Variants in PIP4K2A observed in about 807,000 individuals in gnomAD.
PIP4K2A encodes the protein phosphatidylinositol-5-phosphate 4-kinase type 2 alpha, also known as phosphatidylinositol 5-phosphate 4-kinase type-2 alpha.
In PIP4K2A, 14 loss-of-function variants were observed where a neutral mutation model predicts 42.9. The ratio of observed to expected loss-of-function variants is 0.33; its 90% CI spans 0.22 to 0.51. The LOEUF is 0.51. Among genes scored for constraint, PIP4K2A ranks in the 20% least tolerant of loss-of-function variants. The pLI, the probability that PIP4K2A is intolerant of heterozygous loss-of-function variation, is 0.97. For synonymous variants in PIP4K2A, 192 were observed against 192.2 expected (o/e 1.00, Z 0.01); for missense variants, 434 against 519.8 (o/e 0.83, Z 1.61).
At chr10:22,617,492 C>T (rs1013591949) in intron 1 of PIP4K2A, among the ~76,000 whole-genome samples, 1 of 152,184 alleles carries the variant, frequency 6.6e-6, no homozygotes, top group African/African-American at 2.4e-5. Flanking sequence ...GATATATTCA[C>T]CCTAAACACT....
chr10:22,566,828 T>C (rs1252896666), intron 6 of PIP4K2A, among the ~76,000 whole-genome samples: 1 of 152,168 alleles, frequency 6.6e-6, no homozygotes, highest in Non-Finnish European at 1.5e-5. Flanking sequence ...GCTCTAGAGC[T>C]CCCTGAGTGT....
intron 1 of PIP4K2A, 46 bp from the exon 2 acceptor site, chr10:22,609,763 G>T: frequency 8.7e-7 from 1 of 1,153,854 alleles, no homozygotes; most frequent in Non-Finnish European, 1.3e-6. Flanking sequence ...CTATCCAGGT[G>T]AGGAGGACTT....
At chr10:22,597,818 C>T (rs182253132) in intron 3 of PIP4K2A, among the ~76,000 whole-genome samples, 5 of 152,198 alleles carry the variant, frequency 3.3e-5, no homozygotes, top group Non-Finnish European at 7.4e-5. Context: ...GCTGATCCTA[C>T]CTAAGGCCTT....
chr10:22,559,011 G>C (rs747481144), intron 6 of PIP4K2A, among the ~76,000 whole-genome samples: 4 of 152,090 alleles, frequency 2.6e-5, no homozygotes, highest in Non-Finnish European at 5.9e-5. Context: ...CACAAACTGG[G>C]ATATGACAGC....
chr10:22,556,727 C>T (rs1254173228), intron 6 of PIP4K2A, among the ~76,000 whole-genome samples: 1 of 152,130 alleles, frequency 6.6e-6, no homozygotes, highest in African/African-American at 2.4e-5. Flanking sequence ...GAACTCACTC[C>T]TAGGGAGCAG....
rs574260917 is a variant in PIP4K2A, at chr10:22,658,671, T to C, written c.145-48954A>G. 3.9e-4 allele frequency among the ~76,000 whole-genome samples: 59 copies of C among 152,340 alleles called. 1 individual carries two copies. Among genetic ancestry groups the C allele is most frequent in the Admixed American group, 9.8e-4 (15 of 15,306 alleles). ...CAATCCAGTGGGATCATATGGTTGC[T>C]GCGCAGCAAAAGATCCCATAAGAAT... On this transcript the variant is annotated intron_variant, in intron 1 of 9. Coordinates refer to ENST00000376573, the MANE Select transcript of PIP4K2A (RefSeq NM_005028.5).
intron 3 of PIP4K2A, among the ~76,000 whole-genome samples, chr10:22,595,839 G>A (rs1283960036): frequency 6.6e-6 from 1 of 152,182 alleles, no homozygotes; most frequent in Non-Finnish European, 1.5e-5. Flanking sequence ...GGTCTATGAA[G>A]TGATGGAAAA....
chr10:22,542,312 T>TGGCTGGATTTTGCCAGATAGCAA (rs6143823), intron 7 of PIP4K2A, among the ~76,000 whole-genome samples: 4 of 151,634 alleles, frequency 2.6e-5, no homozygotes, highest in African/African-American at 9.7e-5. Flanking sequence ...TATCACAGGG[T>TGGCTGGATTTTGCCAGATAGCAA]GGCTGGATTT....
intron 1 of PIP4K2A, among the ~76,000 whole-genome samples, chr10:22,705,726 G>A (rs1276892856): frequency 6.6e-6 from 1 of 151,966 alleles, no homozygotes; most frequent in African/African-American, 2.4e-5. Context: ...ATGTTACTGG[G>A]TTCTGCCACT....
chr10:22,558,011 A>G (rs1232944559), intron 6 of PIP4K2A, among the ~76,000 whole-genome samples: 1 of 152,200 alleles, frequency 6.6e-6, no homozygotes, highest in African/African-American at 2.4e-5. Flanking sequence ...AAGGACTTGT[A>G]TTTCGGAATG....
intron 7 of PIP4K2A, among the ~76,000 whole-genome samples, chr10:22,543,549 CT>C (rs1454572389): frequency 3.9e-5 from 6 of 152,348 alleles, no homozygotes; most frequent in South Asian, 4.1e-4. Context: ...CTCATCCCCC[CT>C]GGTCTTTCCC....
chr10:22,687,111 T>C (rs1351090828), intron 1 of PIP4K2A, among the ~76,000 whole-genome samples: 1 of 147,452 alleles, frequency 6.8e-6, no homozygotes, highest in Non-Finnish European at 1.5e-5. Context: ...ACTATACTAA[T>C]CTGCAATTCA....
At chr10:22,655,394 G>T (rs1839080501) in intron 1 of PIP4K2A, among the ~76,000 whole-genome samples, 1 of 152,186 alleles carries the variant, frequency 6.6e-6, no homozygotes, top group Non-Finnish European at 1.5e-5. Flanking sequence ...CTGCTGCCCT[G>T]CCTTCCAGAA....
rs71394001 is a variant in PIP4K2A, at chr10:22,561,565, G to GTTTTTTTT, written c.678+6278_678+6285dup. The stretch of plus-strand genomic sequence containing the variant: ...TATGTCACCAGAGATTCTCTACGCA[G>GTTTTTTTT]TTTTTTTTTTTTTTTTTTTTTTTTT... On this transcript the variant is annotated intron_variant, in intron 6 of 9. Transcript: ENST00000376573. Among the ~76,000 whole-genome samples, 20 of 113,500 alleles carry GTTTTTTTT rather than the reference G, an allele frequency of 1.8e-4. 9 individuals carry two copies. The highest frequency in any genetic ancestry group is 2.0e-4 in the Admixed American group (2 of 10,078). The allele number at this position is 113,500 out of a possible 152,430, so 74.5% of individuals were successfully genotyped here.
intron 1 of PIP4K2A, among the ~76,000 whole-genome samples, chr10:22,708,953 T>A (rs1308861358): frequency 6.6e-6 from 1 of 152,118 alleles, no homozygotes; most frequent in African/African-American, 2.4e-5. Flanking sequence ...CATCTATGTT[T>A]TTACATTTTT....
chr10:22,625,912 C>T (rs1190300989), intron 1 of PIP4K2A, among the ~76,000 whole-genome samples: 1 of 152,140 alleles, frequency 6.6e-6, no homozygotes, highest in Non-Finnish European at 1.5e-5. Flanking sequence ...AATGGCCTTT[C>T]TTATCTCTTG....
intron 3 of PIP4K2A, among the ~76,000 whole-genome samples, chr10:22,596,305 T>A (rs1837634824): frequency 6.6e-6 from 1 of 151,016 alleles, no homozygotes; most frequent in African/African-American, 2.4e-5. Flanking sequence ...AGGACAACCG[T>A]CCCAAGAAAC....
At chr10:22,538,476 C>A (rs1257196570) in intron 9 of PIP4K2A, among the ~76,000 whole-genome samples, 1 of 152,166 alleles carries the variant, frequency 6.6e-6, no homozygotes, top group African/African-American at 2.4e-5. Flanking sequence ...CTGGCAAAAC[C>A]CCATCAGCAA....
intron 1 of PIP4K2A, among the ~76,000 whole-genome samples, chr10:22,625,401 TG>T (rs1397881413): frequency 6.6e-6 from 1 of 152,200 alleles, no homozygotes; most frequent in Non-Finnish European, 1.5e-5. Context: ...TGCATTAAAA[TG>T]TATAGAACAT....
Sources: gnomAD v4.1 joint callset for allele counts (sites outside exome capture counted in the v4.1 genomes callset) on GRCh38, gnomAD v4.1.1 for gene constraint, MANE v1.5 for transcripts, NCBI Gene and HGNC (gene_info 2026-07-23, HGNC 2026-07-21) for gene names.